Variants in AMPD3 observed in about 807,000 individuals in gnomAD.
AMPD3 encodes the protein adenosine monophosphate deaminase 3, also known as AMP deaminase 3.
In AMPD3, 57 loss-of-function variants were observed where a neutral mutation model predicts 82.3. The observed-to-expected ratio is 0.69, with a 90% confidence interval of 0.56 to 0.86. The LOEUF (loss-of-function observed/expected upper bound fraction) is 0.86. AMPD3 is among the 40% of genes least tolerant of loss of function. The pLI is 0.00. For synonymous variants in AMPD3, 381 were observed against 394.7 expected (o/e 0.97, Z 0.41); for missense variants, 870 against 1,003.8 (o/e 0.87, Z 1.80).
intron 3 of AMPD3, 68 bp from the exon 4 acceptor site, chr11:10,481,995 C>T (rs1234509675): frequency 6.2e-7 from 1 of 1,602,142 alleles, no homozygotes. Flanking sequence ...CTTGCAAGCA[C>T]ATCTTTCCAA....
chr11:10,457,341 G>C (rs1848126607), intron 1 of AMPD3, among the ~76,000 whole-genome samples: 1 of 151,894 alleles, frequency 6.6e-6, no homozygotes, highest in Non-Finnish European at 1.5e-5. Context: ...GATTTTTATG[G>C]GTTCTGTAAA....
At chr11:10,450,574 G>A (rs1020399975), upstream of AMPD3, 65 of 987,406 alleles carry the variant, frequency 6.6e-5, no homozygotes, top group Non-Finnish European at 7.3e-5. Flanking sequence ...CGCAGTTGAG[G>A]TCTGGGGAGC....
At chr11:10,451,144 C>G, upstream of AMPD3, 1 of 1,508,336 alleles carries the variant, frequency 6.6e-7, no homozygotes, top group African/African-American at 1.4e-5. Flanking sequence ...ACCGCGGCTT[C>G]CGCCTTCCCT....
At chr11:10,481,961 C>T (rs887372150) in intron 3 of AMPD3, 102 bp from the exon 4 acceptor site, 67 of 1,459,102 alleles carry the variant, frequency 4.6e-5, no homozygotes, top group Non-Finnish European at 6.1e-5. Context: ...AATCTAGGTT[C>T]CCAGATACCA....
At position 10,484,856 on chromosome 11, in the gene AMPD3, A is replaced by G; in HGVS notation, c.626A>G (p.Tyr209Cys). ...CCTCCACTGCCCCAGGAAGACCCCT[A>G]CTGCCTGGATGATGCACCCCCCAAC... The part of the protein sequence containing the change: ...HPPPLPQEDP[Y>C]CLDDAPPNLD... Residue 209 changes from tyrosine to cysteine, a missense_variant, in exon 5 of 15, where the codon TAC becomes TGC. By Grantham distance (194) the Tyr-to-Cys change is radical. Coordinates refer to ENST00000396553, the MANE Select transcript of AMPD3 (RefSeq NM_001025389.2). 1 of 1,613,962 alleles carries G rather than the reference A, an allele frequency of 6.2e-7. No individual in the cohort carries two copies. The highest frequency in any genetic ancestry group is 1.1e-5 in the South Asian group (1 of 91,068).
At position 10,463,817 on chromosome 11, in the gene AMPD3, T is replaced by A. The variant is rs187884228; in HGVS notation, c.221+2077T>A. 1.2e-4 allele frequency among the ~76,000 whole-genome samples: 18 copies of A among 152,350 alleles called. No individual in the cohort carries two copies. The East Asian group carries it at 2.7e-3, about 23-fold the overall frequency. On this transcript the variant is annotated intron_variant, in intron 2 of 14. Coordinates refer to ENST00000396553, the MANE Select transcript of AMPD3 (RefSeq NM_001025389.2). ...TTCTGTCCTTGCCTAGGTTATGGTGTCTTAGTTTGCATCTGTCTGCGCCAT... is the reference window on the plus strand; with the variant it reads ...TTCTGTCCTTGCCTAGGTTATGGTGACTTAGTTTGCATCTGTCTGCGCCAT...
Position 10,485,022 on chromosome 11 carries a change from C to T in AMPD3, c.792C>T (p.Leu264=), listed in dbSNP as rs1849025713. The change falls in exon 5 of 15, where the codon CTC becomes CTT. Residue 264 remains leucine, a synonymous_variant. Coordinates refer to ENST00000396553, the MANE Select transcript of AMPD3 (RefSeq NM_001025389.2). The stretch of plus-strand genomic sequence containing the variant: ...TGGACATGAGCCACATCCTGGCTCT[C>T]ATCACCGATGGCCCCACGTAAGCTA... ...YTVDMSHILA[L]ITDGPTKTYC... 8 of 1,613,648 alleles carry T rather than the reference C, an allele frequency of 5.0e-6. No individual in the cohort carries two copies. The highest frequency in any genetic ancestry group is 5.9e-6 in the Non-Finnish European group (7 of 1,179,948).
At chr11:10,460,639 C>T (rs35027484) in intron 1 of AMPD3, among the ~76,000 whole-genome samples, 2,878 of 151,716 alleles carry the variant, frequency 0.019, 42 homozygotes, top group Middle Eastern at 0.055. Flanking sequence ...AAACTCCTGA[C>T]CTCAGGTGAT....
chr11:10,477,112 A>C, intron 2 of AMPD3: 2 of 985,468 alleles, frequency 2.0e-6, no homozygotes, highest in Non-Finnish European at 2.4e-6. Flanking sequence ...GGCAGTGAGG[A>C]TACCTGGCCA....
At position 10,495,043 on chromosome 11, in the gene AMPD3, T is replaced by G. The variant is rs371766702; in HGVS notation, c.1266+13T>G. 114 of 1,614,050 alleles carry G rather than the reference T, an allele frequency of 7.1e-5. No homozygotes were observed. In the African/African-American group the frequency reaches 1.5e-3, roughly 21 times the overall value. On this transcript the variant is annotated intron_variant, in intron 8 of 14. Transcript: ENST00000396553. Reference sequence around the variant, plus strand: ...TCGGATGGTCAAGGTGAGTGAACCCTCAGTCTCTCTGAGGCCTCTCAGGTG... The same window carrying G: ...TCGGATGGTCAAGGTGAGTGAACCCGCAGTCTCTCTGAGGCCTCTCAGGTG...
chr11:10,467,286 T>A (rs1268997037), intron 2 of AMPD3, among the ~76,000 whole-genome samples: 1 of 151,966 alleles, frequency 6.6e-6, no homozygotes, highest in Non-Finnish European at 1.5e-5. Context: ...GATAGATGAA[T>A]TGCTAACTAG....
chr11:10,472,204 A>G (rs1848613297), intron 2 of AMPD3, among the ~76,000 whole-genome samples: 1 of 152,172 alleles, frequency 6.6e-6, no homozygotes, highest in African/African-American at 2.4e-5. Context: ...GAGAAAACCA[A>G]ACATCGCATG....
At chr11:10,470,784 A>T (rs542094069) in intron 2 of AMPD3, among the ~76,000 whole-genome samples, 1 of 152,226 alleles carries the variant, frequency 6.6e-6, no homozygotes, top group African/African-American at 2.4e-5. Flanking sequence ...AAGGAGAATT[A>T]CAAACCACTG....
rs1211631342 is a variant in AMPD3 at position 10,506,514 on chromosome 11, G to C, written c.*630G>C. 1 of 159,212 alleles carries C rather than the reference G, an allele frequency of 6.3e-6. No homozygotes were observed. The highest frequency in any genetic ancestry group is 1.4e-5 in the Non-Finnish European group (1 of 72,026). 9.9% of individuals were successfully genotyped at this position (159,212 alleles called of 1,614,324 possible). On this transcript the variant is annotated 3_prime_UTR_variant, in exon 15 of 15. Coordinates refer to ENST00000396553, the MANE Select transcript of AMPD3 (RefSeq NM_001025389.2). The surrounding 1 kb of genome is among the most constrained non-coding windows in gnomAD (Gnocchi z 4.1). Reference sequence around the variant, plus strand: ...CTTGGTTTCTTCACCTAGAAAGTGAGGGTTTGGACTAGATGAGTGGCTTTC... The same window carrying C: ...CTTGGTTTCTTCACCTAGAAAGTGACGGTTTGGACTAGATGAGTGGCTTTC...
chr11:10,463,951 A>ATTGC (rs1848344376), intron 2 of AMPD3, among the ~76,000 whole-genome samples: 1 of 152,174 alleles, frequency 6.6e-6, no homozygotes, highest in South Asian at 2.1e-4. Context: ...CATGGACACT[A>ATTGC]CATCAGGGTG....
At chr11:10,502,006 T>G in intron 12 of AMPD3, 1 of 985,470 alleles carries the variant, frequency 1.0e-6, no homozygotes, top group Non-Finnish European at 1.2e-6. Flanking sequence ...AAGGCTGTTG[T>G]TGGATGAAGG....
In AMPD3 at chr11:10,502,735, G is replaced by A; in HGVS notation, c.1857G>A (p.Gln619=). 1.2e-6 allele frequency: 2 copies of A among 1,614,162 alleles called. No homozygotes were observed. Among genetic ancestry groups the A allele is most frequent in the Non-Finnish European group, 1.7e-6 (2 of 1,180,034 alleles). ...TTCTTTTGCAGAGTCCGGTATTGCA[G>A]TATCTCTACTACCTTGCTCAGATCC... ...GLLLKKSPVL[Q]YLYYLAQIPI... is the part of the protein sequence containing the mutation. Residue 619 remains glutamine, a synonymous_variant, in exon 13 of 15, where the codon CAG becomes CAA. Transcript: ENST00000396553.
chr11:10,465,826 T>G (rs1013214809), intron 2 of AMPD3, among the ~76,000 whole-genome samples: 4 of 150,878 alleles, frequency 2.7e-5, no homozygotes, highest in East Asian at 1.9e-4. Flanking sequence ...GGAGTTTTTT[T>G]TTTTTTTTTT....
At chr11:10,484,506 T>C (rs1849005946) in intron 4 of AMPD3, 1 of 985,132 alleles carries the variant, frequency 1.0e-6, no homozygotes, top group Admixed American at 6.1e-5. Context: ...TTTAAAAAAT[T>C]GTTGAAGTGC....
Sources: allele counts gnomAD v4.1 joint callset (sites outside exome capture counted in the v4.1 genomes callset), GRCh38; gene constraint gnomAD v4.1.1; non-coding constraint Gnocchi (gnomAD v3.1); transcripts MANE v1.5; gene names NCBI Gene and HGNC (gene_info 2026-07-23, HGNC 2026-07-21).